Variants in SGCD observed in about 807,000 individuals in gnomAD.
SGCD encodes delta-sarcoglycan.
In SGCD, 18 loss-of-function variants were observed where a neutral mutation model predicts 36.6. The observed-to-expected ratio is 0.49, with a 90% CI of 0.34 to 0.73. The LOEUF is 0.73. SGCD is among the 30% of genes least tolerant of loss of function. The probability of loss-of-function intolerance (pLI) is 0.01; values close to 1 mark genes in which losing one functional copy is unlikely to be tolerated. For synonymous variants in SGCD, 133 were observed against 130.6 expected (o/e 1.02, Z -0.12); for missense variants, 387 against 346.7 (o/e 1.12, Z -0.92).
intron 7 of SGCD, among the ~76,000 whole-genome samples, chr5:156,698,615 C>T (rs1052353271): frequency 6.6e-6 from 1 of 152,132 alleles, no homozygotes; most frequent in Admixed American, 6.6e-5. Context: ...CTGCAGGAGA[C>T]AACTGATTTC....
At chr5:156,404,685 T>A (rs1772322120) in intron 3 of SGCD, among the ~76,000 whole-genome samples, 1 of 152,214 alleles carries the variant, frequency 6.6e-6, no homozygotes, top group South Asian at 2.1e-4. Context: ...ATATATATTT[T>A]TTCTTTTACT....
At chr5:156,652,732 G>T (rs151212134) in intron 7 of SGCD, among the ~76,000 whole-genome samples, 87 of 152,076 alleles carry the variant, frequency 5.7e-4, no homozygotes, top group African/African-American at 2.0e-3. Flanking sequence ...GTCACAGATG[G>T]CTCTTATATT....
chr5:155,960,971 G>A (rs1026790412), intron 1 of SGCD, among the ~76,000 whole-genome samples: 1 of 152,080 alleles, frequency 6.6e-6, no homozygotes, highest in Non-Finnish European at 1.5e-5. Flanking sequence ...ATGCGATCAC[G>A]ACAGAATTAT....
chr5:155,936,965 A>G (rs1267736075), intron 1 of SGCD, among the ~76,000 whole-genome samples: 1 of 152,180 alleles, frequency 6.6e-6, no homozygotes, highest in Non-Finnish European at 1.5e-5. Flanking sequence ...AACAGCACCC[A>G]GGAGCCCCGC....
intron 3 of SGCD, among the ~76,000 whole-genome samples, chr5:156,444,156 C>T (rs1393906178): frequency 1.4e-5 from 2 of 138,500 alleles, no homozygotes; most frequent in African/African-American, 5.4e-5. Context: ...TTCTCTCTCT[C>T]CTTCCCTCTC....
chr5:155,881,101 G>T (rs1453126536), intron 1 of SGCD, among the ~76,000 whole-genome samples: 1 of 151,972 alleles, frequency 6.6e-6, no homozygotes, highest in Non-Finnish European at 1.5e-5. Flanking sequence ...GCTCAGGGAA[G>T]GGAAGGAAAT....
intron 1 of SGCD, among the ~76,000 whole-genome samples, chr5:155,965,898 A>G (rs111987379): frequency 0.023 from 3,500 of 152,166 alleles, 134 homozygotes; most frequent in African/African-American, 0.074. Context: ...TGTTCAGTCC[A>G]ACAGGGATTG....
At chr5:155,783,092 T>C in the SGCD span, among the ~76,000 whole-genome samples, 6 of 152,152 alleles carry the variant, frequency 3.9e-5, no homozygotes, top group Non-Finnish European at 8.8e-5. Context: ...ACTTCTGCCA[T>C]GTGAAAATTG....
intron 4 of SGCD, among the ~76,000 whole-genome samples, chr5:156,569,525 G>A (rs1759632344): frequency 6.6e-6 from 1 of 151,864 alleles, no homozygotes. Flanking sequence ...TTCGGAGGCA[G>A]AGGTTGCAGT....
In SGCD at chr5:156,285,866, C is replaced by G. The variant is rs1015584626; in HGVS notation, c.-43-43668C>G. Reference sequence around the variant, plus strand: ...AAGAGCTTCTGCACAGCAAAAGAAACTACCATCAGAGTGAACAGGCAACCT... The same window carrying G: ...AAGAGCTTCTGCACAGCAAAAGAAAGTACCATCAGAGTGAACAGGCAACCT... On this transcript the variant is annotated intron_variant, in intron 3 of 9. Transcript: ENST00000517913. 7.8e-4 allele frequency among the ~76,000 whole-genome samples: 118 copies of G among 152,252 alleles called. 2 individuals carry two copies. The highest frequency in any genetic ancestry group is 2.7e-3 in the African/African-American group (114 of 41,564).
At chr5:156,319,268 T>C (rs1201026903) in intron 3 of SGCD, among the ~76,000 whole-genome samples, 1 of 152,166 alleles carries the variant, frequency 6.6e-6, no homozygotes, top group East Asian at 1.9e-4. Context: ...GAAAATCCCT[T>C]ACCATTAAAC....
chr5:155,947,631 A>G (rs1380591333), intron 1 of SGCD, among the ~76,000 whole-genome samples: 1 of 152,082 alleles, frequency 6.6e-6, no homozygotes, highest in Non-Finnish European at 1.5e-5. Context: ...TCCATCTGCC[A>G]GAGGGAGAGA....
At chr5:156,142,871 C>T (rs992056675) in intron 3 of SGCD, among the ~76,000 whole-genome samples, 2 of 152,068 alleles carry the variant, frequency 1.3e-5, no homozygotes, top group Non-Finnish European at 1.5e-5. Flanking sequence ...GCAGCCTGAC[C>T]CTGTAGTAGA....
chr5:156,169,234 A>C (rs1443186028), intron 3 of SGCD, among the ~76,000 whole-genome samples: 1 of 152,216 alleles, frequency 6.6e-6, no homozygotes, highest in African/African-American at 2.4e-5. Context: ...ATTATTGCTG[A>C]GTAGTTGCTG....
intron 3 of SGCD, among the ~76,000 whole-genome samples, chr5:156,401,214 T>G (rs1772126651): frequency 6.6e-6 from 1 of 152,178 alleles, no homozygotes; most frequent in African/African-American, 2.4e-5. Context: ...AAAGCAGCTA[T>G]GGAAAGGGCA....
intron 3 of SGCD, among the ~76,000 whole-genome samples, chr5:156,450,921 T>A (rs1213738210): frequency 6.6e-6 from 1 of 152,008 alleles, no homozygotes; most frequent in African/African-American, 2.4e-5. Flanking sequence ...AGCAAAAAAA[T>A]AAATGAATAA....
chr5:156,281,466 A>G (rs762749091), intron 3 of SGCD, among the ~76,000 whole-genome samples: 1 of 152,230 alleles, frequency 6.6e-6, no homozygotes, highest in South Asian at 2.1e-4. Context: ...GGGGAGTGGT[A>G]GTCATGGAAA....
chr5:156,549,743 C>G (rs1758717525), intron 4 of SGCD, among the ~76,000 whole-genome samples: 1 of 152,188 alleles, frequency 6.6e-6, no homozygotes, highest in Non-Finnish European at 1.5e-5. Flanking sequence ...ATGCCATTGC[C>G]TAAACTCACA....
At chr5:156,259,125 T>G (rs1275251300) in intron 3 of SGCD, among the ~76,000 whole-genome samples, 2 of 150,458 alleles carry the variant, frequency 1.3e-5, no homozygotes, top group Non-Finnish European at 3.0e-5. Flanking sequence ...TTTATTTATT[T>G]ATTTATTTAT....
Sources: allele counts gnomAD v4.1 joint callset (sites outside exome capture counted in the v4.1 genomes callset), GRCh38; gene constraint gnomAD v4.1.1; transcripts MANE v1.5; gene names NCBI Gene and HGNC (gene_info 2026-07-23, HGNC 2026-07-21).